Variants in SYCP2 observed in about 807,000 individuals in gnomAD.
SYCP2 encodes synaptonemal complex lateral element protein.
Under a neutral mutation model 211.3 loss-of-function variants are expected in SYCP2, and 55 were observed. That is an observed-to-expected ratio of 0.26 (90% CI 0.21 to 0.33). The LOEUF is 0.33. Among genes scored for constraint, SYCP2 ranks in the 10% least tolerant of loss-of-function variants. The pLI is 1.00. For missense variants in SYCP2, 1,731 were observed against 1,752.0 expected, an observed-to-expected ratio of 0.99 and a Z score of 0.21; for synonymous variants, 570 against 555.2, an observed-to-expected ratio of 1.03 and a Z score of -0.37.
intron 26 of SYCP2, among the ~76,000 whole-genome samples, chr20:59,883,203 G>C (rs1167672997): frequency 1.3e-5 from 2 of 152,014 alleles, no homozygotes; most frequent in Non-Finnish European, 2.9e-5. Flanking sequence ...ACAAAAATTA[G>C]CTGAGCATGG....
chr20:59,885,567 T>C (rs866674991), intron 26 of SYCP2, among the ~76,000 whole-genome samples: 5 of 151,862 alleles, frequency 3.3e-5, no homozygotes, highest in Non-Finnish European at 2.9e-5. Flanking sequence ...AGAGTAAAGG[T>C]TTTTTTTAAA....
rs760986573 is a variant in SYCP2, at chr20:59,866,472, CAG to C, written c.4220+21_4220+22del. ...GGAATATGTAGCATTCAAAAGTTTT[CAG>C]AACAGATTTTTATTACAGACCTAGA... On this transcript the variant is annotated intron_variant, in intron 40 of 44. Coordinates refer to ENST00000357552, the MANE Select transcript of SYCP2 (RefSeq NM_014258.4). 3 of 1,592,480 alleles carry C rather than the reference CAG, an allele frequency of 1.9e-6. No homozygotes were observed. In the East Asian group the frequency reaches 6.7e-5, roughly 36 times the overall value.
intron 16 of SYCP2, among the ~76,000 whole-genome samples, 174 bp from the exon 17 acceptor site, chr20:59,900,992 C>G (rs547312709): frequency 6.6e-6 from 1 of 152,084 alleles, no homozygotes; most frequent in Non-Finnish European, 1.5e-5. Flanking sequence ...TTCAATTACT[C>G]CCCTTTAACC....
chr20:59,903,755 A>C (rs1355161294), intron 15 of SYCP2, among the ~76,000 whole-genome samples: 2 of 152,140 alleles, frequency 1.3e-5, no homozygotes, highest in African/African-American at 4.8e-5. Context: ...GTTAAGGATA[A>C]CTTAAAAATT....
At chr20:59,870,042 C>T (rs902985366) in intron 35 of SYCP2, 59 bp from the exon 36 acceptor site, 1 of 1,151,496 alleles carries the variant, frequency 8.7e-7, no homozygotes, top group African/African-American at 1.6e-5. Flanking sequence ...CAAAGCCCCC[C>T]ACTTCAAAAA....
At chr20:59,869,372 G>T (rs2059407120) in intron 36 of SYCP2, among the ~76,000 whole-genome samples, 1 of 151,536 alleles carries the variant, frequency 6.6e-6, no homozygotes, top group Non-Finnish European at 1.5e-5. Context: ...ATCCACTTAG[G>T]TCTAGCTCAA....
At chr20:59,925,595 T>C (rs2060619715) in intron 2 of SYCP2, among the ~76,000 whole-genome samples, 1 of 152,090 alleles carries the variant, frequency 6.6e-6, no homozygotes, top group African/African-American at 2.4e-5. Context: ...TTTTGGCACC[T>C]CAGCCTATTT....
rs2145568991 is a variant in SYCP2, at chr20:59,864,054, C to G, written c.*257G>C. The G allele has an allele frequency of 3.9e-6, 1 of 253,452 alleles. No individual in the cohort carries two copies. Among genetic ancestry groups the G allele is most frequent in the South Asian group, 1.7e-4 (1 of 5,802 alleles). The allele number at this position is 253,452 out of a possible 1,614,324, so 15.7% of individuals were successfully genotyped here. A position where few individuals can be genotyped will look rare whatever the true frequency, so the allele number is the denominator to read the frequency against. On this transcript the variant is annotated 3_prime_UTR_variant, in exon 45 of 45. Coordinates refer to ENST00000357552, the MANE Select transcript of SYCP2 (RefSeq NM_014258.4). ...ACTCATTTTATGAGTATAATTAACTCAAAAAGTTTCTTAAAGCTTTTATCT... is the reference window on the plus strand; with the variant it reads ...ACTCATTTTATGAGTATAATTAACTGAAAAAGTTTCTTAAAGCTTTTATCT...
intron 7 of SYCP2, among the ~76,000 whole-genome samples, chr20:59,918,688 GT>G (rs2060485653): frequency 6.6e-6 from 1 of 152,136 alleles, no homozygotes; most frequent in Non-Finnish European, 1.5e-5. Context: ...ATTTGGCATT[GT>G]CTGCATGAAA....
chr20:59,899,298 C>G (rs6027184), intron 18 of SYCP2, among the ~76,000 whole-genome samples: 4 of 152,156 alleles, frequency 2.6e-5, no homozygotes, highest in African/African-American at 7.2e-5. Context: ...AGTAGTATTA[C>G]TGAAATACAG....
rs527432685 is a variant in SYCP2, at chr20:59,884,134, G to GA, written c.2529+1793dup. ...ACGTAAATAAATGACCTCCTTACTG[G>GA]AATTCTATAAGCTAAATTTTGGTGA... On this transcript the variant is annotated intron_variant, in intron 26 of 44. Coordinates refer to ENST00000357552, the MANE Select transcript of SYCP2 (RefSeq NM_014258.4). 4.7e-4 allele frequency among the ~76,000 whole-genome samples: 72 copies of GA among 152,002 alleles called. 2 individuals are homozygous for GA. The South Asian group carries it at 0.014, about 30-fold the overall frequency.
chr20:59,912,984 C>T (rs917952141), intron 12 of SYCP2, among the ~76,000 whole-genome samples: 1 of 152,188 alleles, frequency 6.6e-6, no homozygotes, highest in Non-Finnish European at 1.5e-5. Flanking sequence ...CCAATTAAAT[C>T]TCTTTCTTTT....
rs113536367 is a variant in SYCP2, at chr20:59,881,510, A to ATT, written c.2659-19_2659-18insAA. 6.7e-5 allele frequency: 85 copies of ATT among 1,260,640 alleles called. No individual in the cohort carries two copies. Among genetic ancestry groups the ATT allele is most frequent in the Non-Finnish European group, 8.8e-5 (82 of 928,656 alleles). The allele number at this position is 1,260,640 out of a possible 1,614,324, so 78.1% of individuals were successfully genotyped here. A position where few individuals can be genotyped will look rare whatever the true frequency, so the allele number is the denominator to read the frequency against. ...TCTTGGATCTATATTGTAAATAAAC[A>ATT]AAAAAAAAGAGGTGTCAGTGTCAAA... On this transcript the variant is annotated intron_variant, in intron 28 of 44. Coordinates refer to ENST00000357552, the MANE Select transcript of SYCP2 (RefSeq NM_014258.4).
chr20:59,932,430 C>A (rs936182850), intron 1 of SYCP2, among the ~76,000 whole-genome samples: 5 of 152,156 alleles, frequency 3.3e-5, no homozygotes, highest in Non-Finnish European at 7.4e-5. Context: ...AATCCCAGCA[C>A]TTTGGGAAGC....
At chr20:59,932,790 C>A (rs867212924) in intron 1 of SYCP2, among the ~76,000 whole-genome samples, 25 of 152,316 alleles carry the variant, frequency 1.6e-4, no homozygotes, top group African/African-American at 4.6e-4. Flanking sequence ...TGAGCCGCCG[C>A]GGGACGCATC....
Position 59,925,490 on chromosome 20 carries a change from C to G in SYCP2, c.-46-3031G>C, listed in dbSNP as rs554117183. 3.9e-5 allele frequency among the ~76,000 whole-genome samples: 6 copies of G among 152,172 alleles called. No individual in the cohort carries two copies. The South Asian group carries it at 1.2e-3, about 32-fold the overall frequency. ...AAGTATTTTTCTCTTGTACATTATTCACATGTGTGAATATTCACAACTGTT... is the reference window on the plus strand; with the variant it reads ...AAGTATTTTTCTCTTGTACATTATTGACATGTGTGAATATTCACAACTGTT... On this transcript the variant is annotated intron_variant, in intron 2 of 44. Coordinates refer to ENST00000357552, the MANE Select transcript of SYCP2 (RefSeq NM_014258.4).
chr20:59,876,104 G>A (rs1170310204), intron 33 of SYCP2, among the ~76,000 whole-genome samples: 1 of 151,994 alleles, frequency 6.6e-6, no homozygotes, highest in African/African-American at 2.4e-5. Flanking sequence ...TGGGCACGGT[G>A]GCTCATGCCT....
In SYCP2 at chr20:59,880,947, T is replaced by C. The variant is rs1487867061; in HGVS notation, c.2772+19A>G. ...AGAAATACTACTTCTAATAGACATA[T>C]TGAGATATTATAACTTACTTTTTTA... On this transcript the variant is annotated intron_variant, in intron 30 of 44. Transcript: ENST00000357552. 8 of 1,178,948 alleles carry C rather than the reference T, an allele frequency of 6.8e-6. No individual in the cohort carries two copies. The highest frequency in any genetic ancestry group is 8.5e-6 in the Non-Finnish European group (7 of 822,692). The allele number at this position is 1,178,948 out of a possible 1,614,324, so 73.0% of individuals were successfully genotyped here.
chr20:59,884,451 A>G (rs1296618165), intron 26 of SYCP2, among the ~76,000 whole-genome samples: 4 of 152,116 alleles, frequency 2.6e-5, no homozygotes, highest in Non-Finnish European at 4.4e-5. Flanking sequence ...GAAATGTACT[A>G]TGATTAAATA....
Sources: gnomAD v4.1 joint callset for allele counts (sites outside exome capture counted in the v4.1 genomes callset) on GRCh38, gnomAD v4.1.1 for gene constraint, MANE v1.5 for transcripts, NCBI Gene and HGNC (gene_info 2026-07-23, HGNC 2026-07-21) for gene names.